The following BAZ1A variants were observed in gnomAD, a reference collection of about 807,000 sequenced individuals.
The protein encoded by BAZ1A is bromodomain adjacent to zinc finger domain 1A, also known as bromodomain adjacent to zinc finger domain protein 1A.
Under a neutral mutation model 185.2 loss-of-function variants are expected in BAZ1A, and 50 were observed. That is an observed-to-expected ratio of 0.27 (90% CI 0.22 to 0.34). The LOEUF is 0.34. Ranked by LOEUF, BAZ1A falls within the 10% of genes least tolerant of loss-of-function variation. The pLI, the probability that BAZ1A is intolerant of heterozygous loss-of-function variation, is 1.00. For missense variants in BAZ1A, 1,356 were observed against 1,839.9 expected, an observed-to-expected ratio of 0.74 and a Z score of 4.81; for synonymous variants, 571 against 615.6, an observed-to-expected ratio of 0.93 and a Z score of 1.07.
chr14:34,817,111 A>G (rs1379187961), intron 4 of BAZ1A, among the ~76,000 whole-genome samples: 1 of 152,202 alleles, frequency 6.6e-6, no homozygotes, highest in East Asian at 1.9e-4. Context: ...CCTCAATCTT[A>G]TATAACAAAA....
At chr14:34,757,019 TAC>T in intron 25 of BAZ1A, among the ~76,000 whole-genome samples, 1 of 152,288 alleles carries the variant, frequency 6.6e-6, no homozygotes. Context: ...TCATATTCAT[TAC>T]ATAGAACAAA....
At chr14:34,832,893 C>T (rs1388934786) in intron 3 of BAZ1A, among the ~76,000 whole-genome samples, 1 of 152,110 alleles carries the variant, frequency 6.6e-6, no homozygotes, top group African/African-American at 2.4e-5. Context: ...TTCACAATAG[C>T]TAAAAGGTGG....
chr14:34,801,423 C>A (rs1395358738), intron 7 of BAZ1A, among the ~76,000 whole-genome samples: 18 of 151,578 alleles, frequency 1.2e-4, no homozygotes, highest in African/African-American at 4.4e-4. Flanking sequence ...TCTCGAGTAG[C>A]TGGGATTACA....
At chr14:34,804,116 T>C (rs566574819) in intron 6 of BAZ1A, among the ~76,000 whole-genome samples, 19 of 152,336 alleles carry the variant, frequency 1.2e-4, no homozygotes, top group African/African-American at 4.6e-4. Flanking sequence ...CAAGTGATTC[T>C]CCTGCCTCAG....
At chr14:34,786,752 C>A (rs1880484339) in intron 12 of BAZ1A, among the ~76,000 whole-genome samples, 1 of 151,684 alleles carries the variant, frequency 6.6e-6, no homozygotes, top group South Asian at 2.1e-4. Context: ...GGACTACAGG[C>A]ACCTGCCACC....
intron 3 of BAZ1A, chr14:34,828,861 C>G (rs2042199652): frequency 6.6e-6 from 1 of 152,146 alleles, no homozygotes; most frequent in Non-Finnish European, 1.5e-5. Flanking sequence ...ATTCCAAGAA[C>G]AAAAACAATC....
rs1886067963 is a variant in BAZ1A at position 34,752,760 on chromosome 14, C to CAGTT, written c.*744_*747dup. The CAGTT allele has an allele frequency of 1.3e-5, 2 of 151,956 alleles. No individual in the cohort carries two copies. The highest frequency in any genetic ancestry group is 6.6e-5 in the Admixed American group (1 of 15,238). 9.4% of individuals were successfully genotyped at this position (151,956 alleles called of 1,614,324 possible). A position where few individuals can be genotyped will look rare whatever the true frequency, so the allele number is the denominator to read the frequency against. The stretch of plus-strand genomic sequence containing the variant: ...TTGAAAAAATGTTATTTTATTTGTA[C>CAGTT]AGTTAAAAAGTTATACATAGAAACT... On this transcript the variant is annotated 3_prime_UTR_variant, in exon 27 of 27. Transcript: ENST00000360310.
At position 34,761,789 on chromosome 14, in the gene BAZ1A, G is replaced by A; in HGVS notation, c.4211C>T (p.Ser1404Phe). Residue 1404 changes from serine to phenylalanine, a missense_variant, in exon 24 of 27, where the codon TCC becomes TTC. By Grantham distance (155) the Ser-to-Phe change is radical. This residue lies in a region of BAZ1A where 309 missense variants were observed against 355.3 expected (regional missense o/e 0.87). Transcript: ENST00000360310. ...TTGTCTTTTTCTGCATCTTCTTTTG[G>A]ATTCACTCTCTTGGAGAGAAAGTTT... ...ASKLSLQESE[S>F]KRRCRKRQSP... 1 of 1,613,336 alleles carries A rather than the reference G, an allele frequency of 6.2e-7. No homozygotes were observed. The highest frequency in any genetic ancestry group is 8.5e-7 in the Non-Finnish European group (1 of 1,179,464).
At chr14:34,772,416 C>T (rs1181890592) in intron 20 of BAZ1A, among the ~76,000 whole-genome samples, 2 of 152,092 alleles carry the variant, frequency 1.3e-5, no homozygotes, top group Admixed American at 1.3e-4. Context: ...AAGTAGCCCG[C>T]CCATGTACTT....
intron 16 of BAZ1A, among the ~76,000 whole-genome samples, chr14:34,781,240 ACTTTT>A (rs10588041): frequency 0.063 from 9,628 of 152,212 alleles, 407 homozygotes; most frequent in Non-Finnish European, 0.098. Flanking sequence ...CCATAGTGTT[ACTTTT>A]CTTTTTTAAA....
chr14:34,758,634 A>C, intron 25 of BAZ1A, 70 bp downstream of exon 25: 1 of 1,475,116 alleles, frequency 6.8e-7, no homozygotes, highest in East Asian at 2.3e-5. Context: ...TGTTTTGACT[A>C]CTTCAAAGTT....
At position 34,783,901 on chromosome 14, in the gene BAZ1A, G is replaced by C. The variant is rs1290558100; in HGVS notation, c.1858C>G (p.Leu620Val). The C allele has an allele frequency of 1.3e-6, 2 of 1,599,260 alleles. No individual in the cohort carries two copies. The highest frequency in any genetic ancestry group is 2.2e-5 in the East Asian group (1 of 44,568). Residue 620 changes from leucine (L) to valine (V), a missense_variant, in exon 15 of 27, where the codon CTC becomes GTC. Transcript: ENST00000360310. ...ACTAGGGTCAGTAGCTTTCCACAGAGAGCATGGAGTATCTTCATTTTTTCT... is the reference window on the plus strand; with the variant it reads ...ACTAGGGTCAGTAGCTTTCCACAGACAGCATGGAGTATCTTCATTTTTTCT... ...PGEKMKILHA[L>V]CGKLLTLVST...
At chr14:34,841,714 C>T (rs2042418157) in intron 3 of BAZ1A, among the ~76,000 whole-genome samples, 1 of 152,098 alleles carries the variant, frequency 6.6e-6, no homozygotes, top group African/African-American at 2.4e-5. Context: ...ATGCATTTAC[C>T]TTATTCAGTC....
chr14:34,869,836 G>A (rs550161837), intron 2 of BAZ1A, among the ~76,000 whole-genome samples: 54 of 152,276 alleles, frequency 3.5e-4, no homozygotes, highest in Non-Finnish European at 5.1e-4. Flanking sequence ...AAATAATAAA[G>A]AAATGATATT....
chr14:34,831,287 A>G (rs762679112), intron 3 of BAZ1A, among the ~76,000 whole-genome samples: 4 of 152,184 alleles, frequency 2.6e-5, no homozygotes, highest in Non-Finnish European at 5.9e-5. Flanking sequence ...TTTAGCTGAT[A>G]CAGGGTAGGC....
intron 4 of BAZ1A, among the ~76,000 whole-genome samples, chr14:34,813,512 G>A (rs1453306410): frequency 4.0e-5 from 6 of 151,874 alleles, no homozygotes; most frequent in African/African-American, 9.7e-5. Context: ...GTGAAACCCC[G>A]TTTCTACTAA....
intron 17 of BAZ1A, among the ~76,000 whole-genome samples, chr14:34,777,625 T>C (rs1311971966): frequency 1.5e-5 from 2 of 137,478 alleles, no homozygotes; most frequent in Non-Finnish European, 1.5e-5. Flanking sequence ...CCCTGGGGGA[T>C]AGAGTGAGAC....
chr14:34,780,406 G>T lies in BAZ1A; in HGVS notation c.2112-96C>A, dbSNP rs79336226. The T allele has an allele frequency of 1.3e-3, 1,580 of 1,258,892 alleles. 27 individuals carry two copies. The African/African-American group carries it at 0.022, about 18-fold the overall frequency. The allele number at this position is 1,258,892 out of a possible 1,614,324, so 78.0% of individuals were successfully genotyped here. A position where few individuals can be genotyped will look rare whatever the true frequency, so the allele number is the denominator to read the frequency against. ...GCTTATGAAGTACCAGGCATTATAG[G>T]CTTAGGAAGTAGTGAACAACATGAC... On this transcript the variant is annotated intron_variant, in intron 16 of 26. Coordinates refer to ENST00000360310, the MANE Select transcript of BAZ1A (RefSeq NM_013448.3).
At chr14:34,790,461 A>G (rs1203025755) in intron 12 of BAZ1A, among the ~76,000 whole-genome samples, 2 of 152,100 alleles carry the variant, frequency 1.3e-5, no homozygotes, top group African/African-American at 4.8e-5. Context: ...TCAAGGGATT[A>G]TGGTGCCTTA....
Sources: allele counts gnomAD v4.1 joint callset (sites outside exome capture counted in the v4.1 genomes callset), GRCh38; gene constraint gnomAD v4.1.1; regional missense constraint gnomAD v4.1.1; transcripts MANE v1.5; gene names NCBI Gene and HGNC (gene_info 2026-07-23, HGNC 2026-07-21).